PRAG1: variants seen among roughly 807,000 people sequenced by gnomAD.
PRAG1 encodes the protein inactive tyrosine-protein kinase PRAG1.
A neutral mutation model predicts 95.6 loss-of-function variants in PRAG1; 110 were observed. The ratio of observed to expected loss-of-function variants is 1.15; its 90% confidence interval spans 0.99 to 1.35. The LOEUF is 1.35. PRAG1 is among the 40% of genes most tolerant of loss of function. The pLI is 0.00. For missense variants in PRAG1, 2,554 were observed against 1,864.7 expected (o/e 1.37, Z -6.81); for synonymous variants, 1,052 against 819.4 (o/e 1.28, Z -4.85).
At chr8:8,350,105 A>T (rs940753383) in intron 3 of PRAG1, among the ~76,000 whole-genome samples, 3 of 152,170 alleles carry the variant, frequency 2.0e-5, no homozygotes, top group South Asian at 2.1e-4. Context: ...AGATAGAAAC[A>T]TTTTTTTAAA....
At chr8:8,359,520 G>C (rs964054311) in intron 3 of PRAG1, among the ~76,000 whole-genome samples, 1 of 152,200 alleles carries the variant, frequency 6.6e-6, no homozygotes, top group African/African-American at 2.4e-5. Context: ...ATAGCTCTAA[G>C]GTCTTGCACT....
rs1800456342 is a variant in PRAG1, at chr8:8,377,449, T to C, written c.960A>G (p.Pro320=). ...ACAGTTTCTTGGGGCCCAGGCAGGA[T>C]GGGTGGGCAGTGGGGCCCTGGCTAC... ...ECCSQGPTAH[P]SCLGPKKLSL... is the part of the protein sequence containing the mutation. The change falls in exon 3 of 6, where the codon CCA becomes CCG. Residue 320 remains proline, a synonymous_variant. Transcript: ENST00000615670. The C allele has an allele frequency of 3.2e-6, 5 of 1,553,316 alleles. No individual in the cohort carries two copies. Among genetic ancestry groups the C allele is most frequent in the Non-Finnish European group, 4.3e-6 (5 of 1,150,794 alleles).
chr8:8,360,814 A>G (rs1467102426), intron 3 of PRAG1, among the ~76,000 whole-genome samples: 2 of 152,026 alleles, frequency 1.3e-5, no homozygotes, highest in Admixed American at 6.6e-5. Context: ...TGATTGCTGA[A>G]TCCCCTTGAT....
chr8:8,385,923 C>T (rs374156769), intron 1 of PRAG1, among the ~76,000 whole-genome samples: 169 of 152,204 alleles, frequency 1.1e-3, no homozygotes, highest in African/African-American at 3.9e-3. Context: ...AGGCGGCCTT[C>T]CGTCTCTCCC....
intron 5 of PRAG1, among the ~76,000 whole-genome samples, chr8:8,327,390 C>G (rs1798666268): frequency 6.6e-6 from 1 of 152,032 alleles, no homozygotes. Flanking sequence ...GCCAATATGG[C>G]AAAACCCCAT....
intron 4 of PRAG1, among the ~76,000 whole-genome samples, chr8:8,335,886 GCA>G (rs1352806484): frequency 2.0e-5 from 3 of 152,160 alleles, no homozygotes; most frequent in Non-Finnish European, 2.9e-5. Context: ...ATTGTACCCA[GCA>G]CAGAGTTTGC....
In PRAG1 at chr8:8,381,509, G is replaced by A. The variant is rs1800666884; in HGVS notation, c.239C>T (p.Ser80Phe). 1 of 1,614,230 alleles carries A rather than the reference G, an allele frequency of 6.2e-7. No individual in the cohort carries two copies. Among genetic ancestry groups the A allele is most frequent in the Non-Finnish European group, 8.5e-7 (1 of 1,180,040 alleles). Residue 80 changes from serine to phenylalanine, a missense_variant, in exon 2 of 6, where the codon TCC (serine) becomes TTC (phenylalanine). Physicochemically the swap from Ser to Phe is radical, Grantham distance 155. Transcript: ENST00000615670. ...EDEGVNSSPY[S>F]KPTIAVKPTM... The stretch of plus-strand genomic sequence containing the variant: ...GGGCTTCACGGCAATTGTGGGCTTG[G>A]AGTAAGGTGAGCTGTTCACACCTTC...
chr8:8,382,853 T>C (rs1042131449), intron 1 of PRAG1, among the ~76,000 whole-genome samples: 2 of 152,170 alleles, frequency 1.3e-5, no homozygotes, highest in African/African-American at 2.4e-5. Flanking sequence ...GACCAGCCCA[T>C]AGACACGGGA....
At chr8:8,330,130 C>T (rs542199878) in intron 4 of PRAG1, among the ~76,000 whole-genome samples, 10 of 152,138 alleles carry the variant, frequency 6.6e-5, no homozygotes, top group Non-Finnish European at 1.5e-4. Context: ...CTTTGGGAGG[C>T]CAAGGCGGGA....
Position 8,336,749 on chromosome 8 carries a change from A to G in PRAG1, c.2320+2729T>C, listed in dbSNP as rs537756080. Among the ~76,000 whole-genome samples the G allele has an allele frequency of 2.0e-3, 309 of 152,274 alleles. 1 individual carries two copies. The highest frequency in any genetic ancestry group is 3.4e-3 in the Middle Eastern group (1 of 294). ...TTCAGCCATTGACTCTGATAAAAGTATAAAAAGGTGAAATTAACATTGACA... is the reference window on the plus strand; with the variant it reads ...TTCAGCCATTGACTCTGATAAAAGTGTAAAAAGGTGAAATTAACATTGACA... On this transcript the variant is annotated intron_variant, in intron 4 of 5. Coordinates refer to ENST00000615670, the MANE Select transcript of PRAG1 (RefSeq NM_001080826.3).
rs551966991 is a variant in PRAG1, at chr8:8,340,862, A to G, written c.2163-1227T>C. On this transcript the variant is annotated intron_variant, in intron 3 of 5. Transcript: ENST00000615670. ...GTCAAAAAAAAAAATGTGACAGTGA[A>G]GGCAACATTATGACTAATCTTCATC... Among the ~76,000 whole-genome samples the G allele has an allele frequency of 1.2e-4, 19 of 152,342 alleles. 1 individual carries two copies. The highest frequency in any genetic ancestry group is 1.2e-3 in the Admixed American group (19 of 15,306).
intron 5 of PRAG1, among the ~76,000 whole-genome samples, chr8:8,322,250 G>A (rs1044646108): frequency 6.6e-6 from 1 of 151,964 alleles, no homozygotes; most frequent in Non-Finnish European, 1.5e-5. Flanking sequence ...GCACGATCTC[G>A]GCTCACTGCA....
chr8:8,337,502 G>C (rs1027540713), intron 4 of PRAG1, among the ~76,000 whole-genome samples: 2 of 152,124 alleles, frequency 1.3e-5, no homozygotes, highest in Non-Finnish European at 2.9e-5. Context: ...GAGAGAGAGA[G>C]AAAGAATGTC....
chr8:8,339,596 T>G lies in PRAG1; in HGVS notation c.2202A>C (p.Glu734Asp), dbSNP rs1265395962. The G allele has an allele frequency of 1.9e-6, 3 of 1,613,966 alleles. No individual in the cohort carries two copies. The highest frequency in any genetic ancestry group is 2.5e-6 in the Non-Finnish European group (3 of 1,179,850). The change falls in exon 4 of 6, where the codon GAA becomes GAC. Residue 734 changes from glutamate (E) to aspartate (D), a missense_variant. By Grantham distance (45) the Glu-to-Asp change is conservative (BLOSUM62 2). Transcript: ENST00000615670. ...LKMNKSSSDL[E>D]KVSQGSAESL... ...TTTCTGCAGAGCCCTGGCTCACTTT[T>G]TCCAAATCAGAGCTGCTCTTGTTCA...
chr8:8,338,810 C>T (rs185705934), intron 4 of PRAG1, among the ~76,000 whole-genome samples: 3 of 152,244 alleles, frequency 2.0e-5, no homozygotes, highest in African/African-American at 4.8e-5. Context: ...AACATGCTAA[C>T]GCAAGTCTAA....
At chr8:8,364,380 T>G (rs1324217497) in intron 3 of PRAG1, among the ~76,000 whole-genome samples, 1 of 152,230 alleles carries the variant, frequency 6.6e-6, no homozygotes, top group Non-Finnish European at 1.5e-5. Flanking sequence ...TTGTTCTGCT[T>G]GAATTACAAG....
intron 4 of PRAG1, among the ~76,000 whole-genome samples, chr8:8,331,300 C>A (rs538016631): frequency 1.3e-5 from 2 of 152,256 alleles, no homozygotes; most frequent in Admixed American, 1.3e-4. Flanking sequence ...ACAAGGCTAT[C>A]CTGATGCCAC....
Position 8,326,193 on chromosome 8 carries a change from GTAT to G in PRAG1, c.3072+1514_3072+1516del, listed in dbSNP as rs199827893. Among the ~76,000 whole-genome samples, 1,125 of 146,838 alleles carry G rather than the reference GTAT, an allele frequency of 7.7e-3. 14 individuals carry two copies. Among genetic ancestry groups the G allele is most frequent in the African/African-American group, 0.027 (1,083 of 40,404 alleles). On this transcript the variant is annotated intron_variant, in intron 5 of 5. Transcript: ENST00000615670. The stretch of plus-strand genomic sequence containing the variant: ...TATAAATAATATATATTGAATATTA[GTAT>G]TATTACTACTATTAATTACAACTAC...
Position 8,350,178 on chromosome 8 carries a change from G to T in PRAG1, c.2163-10543C>A, listed in dbSNP as rs900926496. 2.0e-5 allele frequency among the ~76,000 whole-genome samples: 3 copies of T among 152,196 alleles called. No individual in the cohort carries two copies. In the South Asian group the frequency reaches 6.2e-4, roughly 32 times the overall value. On this transcript the variant is annotated intron_variant, in intron 3 of 5. Coordinates refer to ENST00000615670, the MANE Select transcript of PRAG1 (RefSeq NM_001080826.3). Reference sequence around the variant, plus strand: ...TTGTGGCCCCAGCCTACACAGTTGTGGACTTTTCCAAAGAAGTGCTGGGCT... The same window carrying T: ...TTGTGGCCCCAGCCTACACAGTTGTTGACTTTTCCAAAGAAGTGCTGGGCT...
Sources: allele counts gnomAD v4.1 joint callset (sites outside exome capture counted in the v4.1 genomes callset), GRCh38; gene constraint gnomAD v4.1.1; transcripts MANE v1.5; gene names NCBI Gene and HGNC (gene_info 2026-07-23, HGNC 2026-07-21).